Variants in ABI2 observed in about 807,000 individuals in gnomAD.
The protein encoded by ABI2 is abelson interactor 2.
A neutral mutation model predicts 59.2 loss-of-function variants in ABI2; 25 were observed. The ratio of observed to expected loss-of-function variants is 0.42; its 90% CI spans 0.31 to 0.59. The LOEUF (loss-of-function observed/expected upper bound fraction) is 0.59, where lower values mean the gene tolerates loss of function less well. Ranked by LOEUF, ABI2 falls within the 20% of genes least tolerant of loss-of-function variation. The pLI is 0.14. For missense variants in ABI2, 545 were observed against 681.8 expected (o/e 0.80, Z 2.23); for synonymous variants, 213 against 235.5 (o/e 0.90, Z 0.87).
At chr2:203,347,616 T>C (rs1351920427) in intron 1 of ABI2, among the ~76,000 whole-genome samples, 1 of 152,252 alleles carries the variant, frequency 6.6e-6, no homozygotes, top group African/African-American at 2.4e-5. Flanking sequence ...AAATAGTTTC[T>C]GTTTTAGAGA....
chr2:203,419,087 T>C (rs1000353999), intron 11 of ABI2, among the ~76,000 whole-genome samples: 7 of 150,614 alleles, frequency 4.6e-5, no homozygotes, highest in African/African-American at 1.5e-4. Flanking sequence ...AGCAAAAATA[T>C]CCTTCCTAAA....
At chr2:203,341,947 C>G (rs1410028306) in intron 1 of ABI2, among the ~76,000 whole-genome samples, 2 of 152,170 alleles carry the variant, frequency 1.3e-5, no homozygotes, top group South Asian at 2.1e-4. Context: ...CTGAACTGAT[C>G]TACAGCTTCC....
intron 11 of ABI2, 26 bp from the exon 12 acceptor site, chr2:203,427,151 T>C (rs1355342755): frequency 3.1e-6 from 5 of 1,603,250 alleles, no homozygotes; most frequent in Non-Finnish European, 4.3e-6. Context: ...GTCTTTCACA[T>C]CCTGTTTTGT....
chr2:203,360,511 TAAG>T (rs1408234691), intron 1 of ABI2, among the ~76,000 whole-genome samples: 2 of 151,972 alleles, frequency 1.3e-5, no homozygotes, highest in Non-Finnish European at 2.9e-5. Flanking sequence ...AAACATGAGG[TAAG>T]AAGAATTAAA....
At chr2:203,382,255 A>G (rs201318028) in intron 4 of ABI2, 49 bp downstream of exon 4, 53 of 1,430,254 alleles carry the variant, frequency 3.7e-5, no homozygotes, top group Non-Finnish European at 4.9e-5. Context: ...TATGTAGAAT[A>G]TTACATATGG....
At chr2:203,418,021 A>G (rs1444655236) in intron 11 of ABI2, among the ~76,000 whole-genome samples, 1 of 152,234 alleles carries the variant, frequency 6.6e-6, no homozygotes, top group Non-Finnish European at 1.5e-5. Flanking sequence ...CACATGCTGC[A>G]GAAGAAAGCA....
chr2:203,426,539 TTA>T (rs2098427960), intron 11 of ABI2, among the ~76,000 whole-genome samples: 1 of 152,162 alleles, frequency 6.6e-6, no homozygotes, highest in Non-Finnish European at 1.5e-5. Flanking sequence ...TAGTCTGTTA[TTA>T]TAGTTATATT....
intron 5 of ABI2, 81 bp from the exon 6 acceptor site, chr2:203,394,619 A>G (rs929654035): frequency 3.6e-6 from 5 of 1,376,000 alleles, no homozygotes; most frequent in African/African-American, 1.4e-5. Context: ...TACAAATTGT[A>G]TCTCAACTGC....
chr2:203,390,877 A>G (rs887336768), intron 4 of ABI2, among the ~76,000 whole-genome samples, 169 bp from the exon 5 acceptor site: 1 of 152,208 alleles, frequency 6.6e-6, no homozygotes, highest in East Asian at 1.9e-4. Flanking sequence ...TTTGAGTACA[A>G]CTGTAGAGTA....
At chr2:203,395,539 G>A in intron 6 of ABI2, 117 bp from the exon 7 acceptor site, 2 of 1,122,000 alleles carry the variant, frequency 1.8e-6, no homozygotes, top group Non-Finnish European at 2.4e-6. Flanking sequence ...ATTTTGAAGT[G>A]GTACGCTTTT....
At chr2:203,395,448 T>TATATACACACACACACACACAC (rs750379504) in intron 6 of ABI2, among the ~76,000 whole-genome samples, 3 of 115,328 alleles carry the variant, frequency 2.6e-5, no homozygotes, top group African/African-American at 9.1e-5. Context: ...TATATATATA[T>TATATACACACACACACACACAC]ACACACACAC....
At position 203,426,494 on chromosome 2, in the gene ABI2, G is replaced by C. The variant is rs180897096; in HGVS notation, c.1454-683G>C. Among the ~76,000 whole-genome samples the C allele has an allele frequency of 1.1e-4, 16 of 152,178 alleles. No homozygotes were observed. The East Asian group carries it at 2.9e-3, about 28-fold the overall frequency. On this transcript the variant is annotated intron_variant, in intron 11 of 11. Transcript: ENST00000261018. The stretch of plus-strand genomic sequence containing the variant: ...GTGATTTAAGCAATGAAAATCACAG[G>C]AGGGCTTATAGGTATCTGATTTTCT...
intron 4 of ABI2, among the ~76,000 whole-genome samples, chr2:203,384,491 G>A (rs1158524340): frequency 2.0e-5 from 3 of 151,730 alleles, no homozygotes; most frequent in African/African-American, 7.3e-5. Flanking sequence ...CAAATTTTTT[G>A]TAGAGATGGG....
At chr2:203,403,845 G>A (rs1224056032) in intron 9 of ABI2, among the ~76,000 whole-genome samples, 1 of 148,160 alleles carries the variant, frequency 6.7e-6, no homozygotes, top group African/African-American at 2.5e-5. Context: ...CCTGCCTCCT[G>A]GGTTCAAGAG....
chr2:203,390,959 C>T, intron 4 of ABI2, 87 bp from the exon 5 acceptor site: 1 of 1,005,092 alleles, frequency 9.9e-7, no homozygotes, highest in Admixed American at 2.1e-5. Flanking sequence ...CCTTCCCCTC[C>T]TTTGTTATGT....
intron 1 of ABI2, among the ~76,000 whole-genome samples, chr2:203,331,343 T>G (rs1371236772): frequency 8.0e-6 from 1 of 125,326 alleles, no homozygotes; most frequent in Non-Finnish European, 1.7e-5. Flanking sequence ...AATGGTCAAT[T>G]TAGCCTTTTT....
At chr2:203,383,981 A>G (rs1276099360) in intron 4 of ABI2, among the ~76,000 whole-genome samples, 1 of 152,152 alleles carries the variant, frequency 6.6e-6, no homozygotes, top group Non-Finnish European at 1.5e-5. Context: ...AGGACCAGAC[A>G]TGTGGGATTT....
chr2:203,371,989 A>T (rs1314494180), intron 2 of ABI2, among the ~76,000 whole-genome samples: 1 of 151,348 alleles, frequency 6.6e-6, no homozygotes, highest in Non-Finnish European at 1.5e-5. Flanking sequence ...GGGAGTTGGC[A>T]GGGTCATAGG....
At chr2:203,380,075 A>C in intron 2 of ABI2, 133 bp from the exon 3 acceptor site, 1 of 590,890 alleles carries the variant, frequency 1.7e-6, no homozygotes, top group Non-Finnish European at 2.7e-6. Flanking sequence ...TCAGTAGTCC[A>C]GAAGAATAAA....
Sources: allele counts gnomAD v4.1 joint callset (sites outside exome capture counted in the v4.1 genomes callset), GRCh38; gene constraint gnomAD v4.1.1; transcripts MANE v1.5; gene names NCBI Gene and HGNC (gene_info 2026-07-23, HGNC 2026-07-21).